The following BTBD2 variants were observed in gnomAD, a reference collection of about 807,000 sequenced individuals.
BTBD2 encodes the protein BTB domain containing 2.
A neutral mutation model predicts 44.0 loss-of-function variants in BTBD2; 15 were observed. The observed-to-expected ratio is 0.34, with a 90% CI of 0.23 to 0.53. The LOEUF is 0.53. Among genes scored for constraint, BTBD2 ranks in the 20% least tolerant of loss-of-function variants. The pLI, the probability that BTBD2 is intolerant of heterozygous loss-of-function variation, is 0.95. For synonymous variants in BTBD2, 443 were observed against 335.9 expected (o/e 1.32, Z -3.49); for missense variants, 657 against 746.4 (o/e 0.88, Z 1.39).
chr19:2,015,230 C>T, intron 1 of BTBD2, 67 bp downstream of exon 1: 4 of 1,453,140 alleles, frequency 2.8e-6, no homozygotes, highest in Non-Finnish European at 3.6e-6. Flanking sequence ...TGCAGGGCCT[C>T]AGGTGCAGGG....
Position 1,990,071 on chromosome 19 carries a change from C to T in BTBD2, c.921G>A (p.Arg307=). The change falls in exon 5 of 9, where the codon CGG becomes CGA. Residue 307 remains arginine (R), a synonymous_variant. Transcript: ENST00000255608. ...GGCCCAGGGCCTTGCCCAGAACCTTCCGCCTGTTCTCTGGCGTCACCTGCA... is the reference window on the plus strand; with the variant it reads ...GGCCCAGGGCCTTGCCCAGAACCTTTCGCCTGTTCTCTGGCGTCACCTGCA... ...QQLQVTPENR[R]KVLGKALGLI... 6.2e-7 allele frequency: 1 copy of T among 1,613,306 alleles called. No individual in the cohort carries two copies. Among genetic ancestry groups the T allele is most frequent in the Non-Finnish European group, 8.5e-7 (1 of 1,179,992 alleles).
At chr19:1,992,404 T>G (rs896720171) in intron 3 of BTBD2, among the ~76,000 whole-genome samples, 6 of 151,738 alleles carry the variant, frequency 4.0e-5, no homozygotes, top group African/African-American at 1.5e-4. Flanking sequence ...CCGGCCTGAA[T>G]CTTTTTTTAA....
At chr19:1,992,965 GCCCCGCCTCCAGCCAGGCCTGGCCCCGC>G (rs911719074) in intron 3 of BTBD2, 27 bp downstream of exon 3, 17 of 433,208 alleles carry the variant, frequency 3.9e-5, no homozygotes, top group Non-Finnish European at 5.7e-5. Flanking sequence ...CCCCACCCCG[GCCCCGCCTCCAGCCAGGCCTGGCCCCGC>G]CCCCGCCTCG....
rs754099070 is a variant in BTBD2 at position 1,989,989 on chromosome 19, C to A, written c.988+15G>T. The A allele has an allele frequency of 6.2e-7, 1 of 1,612,502 alleles. No individual in the cohort carries two copies. Among genetic ancestry groups the A allele is most frequent in the Non-Finnish European group, 8.5e-7 (1 of 1,179,680 alleles). The stretch of plus-strand genomic sequence containing the variant: ...CTCCCCTCCCAAACCAGCCCCTGAG[C>A]CCGAGCTCTGTTACCTGCAGCGAAC... On this transcript the variant is annotated intron_variant, in intron 5 of 8. Transcript: ENST00000255608.
chr19:1,992,511 G>A lies in BTBD2; in HGVS notation c.684+509C>T, dbSNP rs111360392. On this transcript the variant is annotated intron_variant, in intron 3 of 8. Coordinates refer to ENST00000255608, the MANE Select transcript of BTBD2 (RefSeq NM_017797.4). ...CTACTTGGCCTCCCAAAGTGCTGGGGTTACAGGCGTGAGCCACCGCACCCT... is the reference window on the plus strand; with the variant it reads ...CTACTTGGCCTCCCAAAGTGCTGGGATTACAGGCGTGAGCCACCGCACCCT... Among the ~76,000 whole-genome samples, 1,256 of 151,698 alleles carry A rather than the reference G, an allele frequency of 8.3e-3. 12 individuals are homozygous for A. Among genetic ancestry groups the A allele is most frequent in the African/African-American group, 0.028 (1,178 of 41,398 alleles).
chr19:1,987,748 G>C lies in BTBD2; in HGVS notation c.989-56C>G. ...CGGGCTGCACCCCAGGATCCCGAGT[G>C]CCTGGGAGGACACGCTCCTTCCCCC... On this transcript the variant is annotated intron_variant, in intron 5 of 8. Coordinates refer to ENST00000255608, the MANE Select transcript of BTBD2 (RefSeq NM_017797.4). The C allele has an allele frequency of 2.7e-6, 4 of 1,479,908 alleles. No individual in the cohort carries two copies. The South Asian group carries it at 5.2e-5, about 19-fold the overall frequency. The allele number at this position is 1,479,908 out of a possible 1,614,324, so 91.7% of individuals were successfully genotyped here.
intron 1 of BTBD2, among the ~76,000 whole-genome samples, chr19:2,004,706 C>T (rs2016372592): frequency 1.3e-5 from 2 of 151,538 alleles, no homozygotes; most frequent in African/African-American, 4.8e-5. Flanking sequence ...AGGCCAGGAG[C>T]AGTGGCTCAT....
At chr19:1,987,874 A>G in intron 5 of BTBD2, 182 bp from the exon 6 acceptor site, 1 of 620,500 alleles carries the variant, frequency 1.6e-6, no homozygotes, top group Non-Finnish European at 2.8e-6. Context: ...GCTTTTAGGG[A>G]GAGGTCCCAG....
chr19:2,009,292 G>A (rs1309089883), intron 1 of BTBD2, among the ~76,000 whole-genome samples: 6 of 151,126 alleles, frequency 4.0e-5, no homozygotes, highest in Non-Finnish European at 7.4e-5. Context: ...TCCGCCTCCC[G>A]GGTTCAAGCA....
intron 5 of BTBD2, 152 bp from the exon 6 acceptor site, chr19:1,987,844 C>T: frequency 1.4e-6 from 1 of 712,412 alleles, no homozygotes; most frequent in Non-Finnish European, 2.3e-6. Flanking sequence ...TAGCCACCAG[C>T]CATGGCCCCT....
intron 2 of BTBD2, among the ~76,000 whole-genome samples, chr19:1,996,793 A>G (rs1225687775): frequency 6.6e-6 from 1 of 152,086 alleles, no homozygotes; most frequent in African/African-American, 2.4e-5. Flanking sequence ...AATCACTTGA[A>G]CCAGGAAGTC....
At position 1,986,389 on chromosome 19, in the gene BTBD2, T is replaced by C. The variant is rs2016081354; in HGVS notation, c.*99A>G. On this transcript the variant is annotated 3_prime_UTR_variant, in exon 9 of 9. Transcript: ENST00000255608. ...AGTGGACAGACGGCCTGGGGGACAC[T>C]GGGCCTGGCACCGCGTGGTGGGGGG... 1.4e-6 allele frequency: 2 copies of C among 1,457,634 alleles called. No individual in the cohort carries two copies. The highest frequency in any genetic ancestry group is 1.2e-5 in the South Asian group (1 of 81,116). 90.3% of individuals were successfully genotyped at this position (1,457,634 alleles called of 1,614,324 possible).
At chr19:2,003,039 G>C (rs1351561860) in intron 1 of BTBD2, 1 of 152,136 alleles carries the variant, frequency 6.6e-6, no homozygotes, top group Non-Finnish European at 1.5e-5. Context: ...GAGAGCTGGA[G>C]TGGCTACGTC....
intron 2 of BTBD2, among the ~76,000 whole-genome samples, chr19:1,996,506 G>C (rs1247286549): frequency 1.1e-5 from 1 of 93,544 alleles, no homozygotes; most frequent in African/African-American, 5.3e-5. Flanking sequence ...GTTATTTTTT[G>C]TTTGTGTACT....
chr19:1,990,885 C>T (rs2016167709), intron 3 of BTBD2, 63 bp from the exon 4 acceptor site: 2 of 1,423,976 alleles, frequency 1.4e-6, no homozygotes, highest in African/African-American at 2.8e-5. Context: ...CGGCAGATCC[C>T]CAGTGCGGGG....
At chr19:2,005,548 G>A (rs1172814346) in intron 1 of BTBD2, among the ~76,000 whole-genome samples, 5 of 151,828 alleles carry the variant, frequency 3.3e-5, no homozygotes, top group African/African-American at 1.2e-4. Flanking sequence ...TTGGGAGGCC[G>A]AGGCGGGTGG....
chr19:1,987,566 C>T lies in BTBD2; in HGVS notation c.1115G>A (p.Cys372Tyr), dbSNP rs1371880726. 2 of 1,611,890 alleles carry T rather than the reference C, an allele frequency of 1.2e-6. No homozygotes were observed. The highest frequency in any genetic ancestry group is 2.7e-5 in the African/African-American group (2 of 74,794). ...CACCTGCTGGAAGCGGTTGATGCTG[C>T]ACTCCTTCCCACGCAGGCAGCAGCG... ...RPRCCLRGKE[C>Y]SINRFQQVES... is the part of the protein sequence containing the mutation. The change falls in exon 6 of 9, where the codon TGC (cysteine) becomes TAC (tyrosine). Residue 372 changes from cysteine to tyrosine, a missense_variant. By Grantham distance (194) the Cys-to-Tyr change is radical. This residue lies in a region of BTBD2 where 449 missense variants were observed against 510.9 expected (regional missense o/e 0.88). Coordinates refer to ENST00000255608, the MANE Select transcript of BTBD2 (RefSeq NM_017797.4).
intron 1 of BTBD2, among the ~76,000 whole-genome samples, chr19:2,007,233 C>T (rs1254482701): frequency 6.6e-6 from 1 of 152,152 alleles, no homozygotes; most frequent in Non-Finnish European, 1.5e-5. Flanking sequence ...TGAGGTGATA[C>T]TCCTGCCTCG....
Position 2,015,683 on chromosome 19 carries a change from G to GCC in BTBD2, c.19_20dup (p.Gly8AlafsTer184). On this transcript the variant is annotated frameshift_variant, in exon 1 of 9. Transcript: ENST00000255608. LOFTEE classifies it high-confidence loss of function. ...CCCCCGGCGGGCACGACGCACGCCC[G>GCC]CCGCTCCCACCCGCCGCCATTTTGT... 1 of 985,346 alleles carries GCC rather than the reference G, an allele frequency of 1.0e-6. No individual in the cohort carries two copies. The allele number at this position is 985,346 out of a possible 1,614,324, so 61.0% of individuals were successfully genotyped here.
Sources: allele counts gnomAD v4.1 joint callset (sites outside exome capture counted in the v4.1 genomes callset), GRCh38; gene constraint gnomAD v4.1.1; regional missense constraint gnomAD v4.1.1; transcripts MANE v1.5; gene names NCBI Gene and HGNC (gene_info 2026-07-23, HGNC 2026-07-21).